The following PPP6R2 variants were observed in gnomAD, a reference collection of about 807,000 sequenced individuals.
PPP6R2 encodes the protein protein phosphatase 6 regulatory subunit 2.
Under a neutral mutation model 100.2 loss-of-function variants are expected in PPP6R2, and 62 were observed. That is an observed-to-expected ratio of 0.62 (90% CI 0.50 to 0.76). The LOEUF (loss-of-function observed/expected upper bound fraction) is 0.76, where lower values mean the gene tolerates loss of function less well. Ranked by LOEUF, PPP6R2 falls within the 30% of genes least tolerant of loss-of-function variation. PPP6R2 has a pLI of 0.00. For synonymous variants in PPP6R2, 525 were observed against 514.7 expected (o/e 1.02, Z -0.27); for missense variants, 1,142 against 1,276.3 (o/e 0.89, Z 1.60).
chr22:50,444,476 A>G lies in PPP6R2; in HGVS notation c.*229A>G, dbSNP rs1002360788. On this transcript the variant is annotated 3_prime_UTR_variant, in exon 24 of 24. Coordinates refer to ENST00000612753, the MANE Select transcript of PPP6R2 (RefSeq NM_001242898.2). ...CTGCTGGAGGACAGAGGGGCACCTC[A>G]GCCGCCCCCAAGCCCAGAGCACAGC... 3 of 361,126 alleles carry G rather than the reference A, an allele frequency of 8.3e-6. No homozygotes were observed. Among genetic ancestry groups the G allele is most frequent in the South Asian group, 5.2e-5 (2 of 38,130 alleles). The allele number at this position is 361,126 out of a possible 1,614,324, so 22.4% of individuals were successfully genotyped here.
chr22:50,401,894 A>G (rs1250654229), intron 3 of PPP6R2, among the ~76,000 whole-genome samples: 1 of 151,954 alleles, frequency 6.6e-6, no homozygotes, highest in African/African-American at 2.4e-5. Flanking sequence ...TTGTTCTCCC[A>G]GAGTGCTGGG....
intron 2 of PPP6R2, among the ~76,000 whole-genome samples, chr22:50,372,678 A>T (rs1483680949): frequency 6.6e-6 from 1 of 151,626 alleles, no homozygotes; most frequent in Non-Finnish European, 1.5e-5. Context: ...GGTCTTTCCA[A>T]GCCCAAGTTT....
intron 2 of PPP6R2, chr22:50,391,849 CT>C (rs2055637466): frequency 1.4e-5 from 2 of 147,454 alleles, no homozygotes; most frequent in Admixed American, 7.1e-5. Flanking sequence ...CGTCGATGGT[CT>C]TTTGTAATCC....
At chr22:50,402,454 A>T (rs1156967598) in intron 3 of PPP6R2, among the ~76,000 whole-genome samples, 1 of 151,472 alleles carries the variant, frequency 6.6e-6, no homozygotes, top group African/African-American at 2.4e-5. Flanking sequence ...CCTGGCCTGT[A>T]AGTTCTCAGC....
At chr22:50,436,504 G>T in intron 14 of PPP6R2, 52 bp downstream of exon 14, 1 of 1,519,942 alleles carries the variant, frequency 6.6e-7, no homozygotes, top group Middle Eastern at 2.0e-4. Flanking sequence ...CTGGGACGCC[G>T]TCAGACGCTC....
In PPP6R2 at chr22:50,352,736, AAAAC is replaced by A. The variant is rs1449575263; in HGVS notation, c.-148+9190_-148+9193del. Among the ~76,000 whole-genome samples the A allele has an allele frequency of 2.1e-3, 250 of 118,274 alleles. 2 individuals carry two copies. The highest frequency in any genetic ancestry group is 8.1e-3 in the African/African-American group (236 of 29,174). 77.6% of individuals were successfully genotyped at this position (118,274 alleles called of 152,430 possible). On this transcript the variant is annotated intron_variant, in intron 1 of 23. Transcript: ENST00000612753. ...GAGACTCTGTCTCAAAACAAAAACA[AAAAC>A]AAAAAAAAAAAACACACAAAACAAC...
intron 22 of PPP6R2, among the ~76,000 whole-genome samples, chr22:50,441,461 C>T (rs750314846): frequency 3.9e-5 from 6 of 152,192 alleles, no homozygotes; most frequent in Non-Finnish European, 8.8e-5. Context: ...ACTTTTAAGT[C>T]TGGCAGGCGA....
chr22:50,371,119 A>G (rs1223559591), intron 1 of PPP6R2, among the ~76,000 whole-genome samples: 2 of 152,220 alleles, frequency 1.3e-5, no homozygotes, highest in African/African-American at 4.8e-5. Flanking sequence ...CCAATTAAAC[A>G]TAATACTCCA....
At chr22:50,405,173 G>A (rs942494313) in intron 3 of PPP6R2, among the ~76,000 whole-genome samples, 2 of 152,244 alleles carry the variant, frequency 1.3e-5, no homozygotes, top group Non-Finnish European at 2.9e-5. Flanking sequence ...GGAAAGGAGA[G>A]GCTCAGTGGA....
At chr22:50,373,807 C>T (rs1444447437) in intron 2 of PPP6R2, among the ~76,000 whole-genome samples, 5 of 151,980 alleles carry the variant, frequency 3.3e-5, no homozygotes, top group African/African-American at 1.2e-4. Context: ...GACCTTGACT[C>T]ACTGCAACCT....
intron 1 of PPP6R2, among the ~76,000 whole-genome samples, chr22:50,354,896 T>G (rs909475072): frequency 7.1e-6 from 1 of 140,096 alleles, no homozygotes; most frequent in Non-Finnish European, 1.5e-5. Context: ...TGAGACAGTC[T>G]CATTCTGTGT....
At position 50,352,740 on chromosome 22, in the gene PPP6R2, CAAAA is replaced by C. The variant is rs755138488; in HGVS notation, c.-148+9199_-148+9202del. 5.3e-3 allele frequency among the ~76,000 whole-genome samples: 703 copies of C among 132,386 alleles called. 11 individuals are homozygous for C. The East Asian group carries it at 0.065, about 12-fold the overall frequency. The allele number at this position is 132,386 out of a possible 152,430, so 86.9% of individuals were successfully genotyped here. ...CTCTGTCTCAAAACAAAAACAAAAACAAAAAAAAAAAACACACAAAACAACAACA... is the reference window on the plus strand; with the variant it reads ...CTCTGTCTCAAAACAAAAACAAAAACAAAAAAAACACACAAAACAACAACA... On this transcript the variant is annotated intron_variant, in intron 1 of 23. Coordinates refer to ENST00000612753, the MANE Select transcript of PPP6R2 (RefSeq NM_001242898.2).
intron 1 of PPP6R2, among the ~76,000 whole-genome samples, chr22:50,365,285 G>A (rs935159376): frequency 6.6e-6 from 1 of 151,906 alleles, no homozygotes; most frequent in African/African-American, 2.4e-5. Context: ...TGGCCAGGCT[G>A]GTCTTGAACT....
Position 50,437,721 on chromosome 22 carries a change from C to T in PPP6R2, c.1781+118C>T. On this transcript the variant is annotated intron_variant, in intron 16 of 23. Coordinates refer to ENST00000612753, the MANE Select transcript of PPP6R2 (RefSeq NM_001242898.2). ...GCCGTCTGATGTCCCCGGGAGACAG[C>T]AGGTGTTCCCAGTTGTGTGAGGGTG... 9.4e-6 allele frequency: 13 copies of T among 1,381,968 alleles called. No individual in the cohort carries two copies. The South Asian group carries it at 1.5e-4, about 16-fold the overall frequency. The allele number at this position is 1,381,968 out of a possible 1,614,324, so 85.6% of individuals were successfully genotyped here. A position where few individuals can be genotyped will look rare whatever the true frequency, so the allele number is the denominator to read the frequency against.
At position 50,431,476 on chromosome 22, in the gene PPP6R2, C is replaced by T; in HGVS notation, c.1335+94C>T. On this transcript the variant is annotated intron_variant, in intron 11 of 23. Coordinates refer to ENST00000612753, the MANE Select transcript of PPP6R2 (RefSeq NM_001242898.2). The surrounding 1 kb of genome is among the most constrained non-coding windows in gnomAD (Gnocchi z 4.8). The stretch of plus-strand genomic sequence containing the variant: ...CTGACGTGTGCCGGACCTCACTGTG[C>T]AGCTGACACGGGGGCAGGGCTTTGA... The T allele has an allele frequency of 2.6e-6, 3 of 1,154,124 alleles. No individual in the cohort carries two copies. Among genetic ancestry groups the T allele is most frequent in the Admixed American group, 2.2e-5 (1 of 45,966 alleles). 71.5% of individuals were successfully genotyped at this position (1,154,124 alleles called of 1,614,324 possible).
chr22:50,440,401 C>T (rs1235848745), intron 21 of PPP6R2, among the ~76,000 whole-genome samples: 1 of 152,148 alleles, frequency 6.6e-6, no homozygotes, highest in Non-Finnish European at 1.5e-5. Context: ...TGATCAGAGC[C>T]CCTGGCCCCC....
intron 1 of PPP6R2, among the ~76,000 whole-genome samples, chr22:50,358,990 GC>G (rs56089347): frequency 0.066 from 2,805 of 42,586 alleles, 225 homozygotes; most frequent in African/African-American, 0.074. Context: ...TAAAAGAACC[GC>G]CCCCCCCCCC....
At chr22:50,380,711 C>T (rs111772357) in intron 2 of PPP6R2, among the ~76,000 whole-genome samples, 13,293 of 147,866 alleles carry the variant, frequency 0.09, 1,669 homozygotes, top group African/African-American at 0.28. Flanking sequence ...GAGAACTGGC[C>T]GGGTGCGGTG....
intron 1 of PPP6R2, among the ~76,000 whole-genome samples, chr22:50,351,693 G>C (rs1380672584): frequency 6.6e-6 from 1 of 152,028 alleles, no homozygotes; most frequent in African/African-American, 2.4e-5. Flanking sequence ...GAGTGCAGTG[G>C]TGCCATCTCA....
Sources: allele counts gnomAD v4.1 joint callset (sites outside exome capture counted in the v4.1 genomes callset), GRCh38; gene constraint gnomAD v4.1.1; non-coding constraint Gnocchi (gnomAD v3.1); transcripts MANE v1.5; gene names NCBI Gene and HGNC (gene_info 2026-07-23, HGNC 2026-07-21).